Variants in SLC25A48 observed in about 807,000 individuals in gnomAD.
The protein encoded by SLC25A48 is CTC-321K16.1.
A neutral mutation model predicts 32.2 loss-of-function variants in SLC25A48; 29 were observed. The observed-to-expected ratio is 0.90, with a 90% confidence interval of 0.67 to 1.23. The LOEUF is 1.23. SLC25A48 is among the 50% of genes most tolerant of loss of function. SLC25A48 has a pLI of 0.00. For missense variants in SLC25A48, 399 were observed against 422.7 expected, an observed-to-expected ratio of 0.94 and a Z score of 0.49; for synonymous variants, 164 against 172.3, an observed-to-expected ratio of 0.95 and a Z score of 0.38.
At chr5:135,666,131 C>G (rs1753520160) in intron 3 of SLC25A48, among the ~76,000 whole-genome samples, 1 of 152,146 alleles carries the variant, frequency 6.6e-6, no homozygotes, top group Admixed American at 6.5e-5. Flanking sequence ...GTGGACCATC[C>G]AGGACACCAG....
intron 3 of SLC25A48, among the ~76,000 whole-genome samples, chr5:135,717,031 A>G (rs1006983127): frequency 6.6e-6 from 1 of 152,182 alleles, no homozygotes; most frequent in African/African-American, 2.4e-5. Context: ...GCAACCCCCA[A>G]GCATGATGTT....
chr5:135,758,361 A>T (rs1755974309), intron 3 of SLC25A48, among the ~76,000 whole-genome samples: 1 of 150,776 alleles, frequency 6.6e-6, no homozygotes, highest in Non-Finnish European at 1.5e-5. Context: ...TGATATCTAC[A>T]ATATCTCTAG....
chr5:135,818,155 C>A (rs559569203), intron 4 of SLC25A48, among the ~76,000 whole-genome samples: 2 of 147,694 alleles, frequency 1.4e-5, no homozygotes, highest in Admixed American at 6.9e-5. Context: ...CAGCTTTGCC[C>A]AGAAGGCACA....
chr5:135,766,980 G>T (rs1756250406), intron 3 of SLC25A48, among the ~76,000 whole-genome samples: 1 of 151,814 alleles, frequency 6.6e-6, no homozygotes, highest in Non-Finnish European at 1.5e-5. Context: ...GTATGATATG[G>T]TTCGTAATAT....
At chr5:135,838,223 G>A (rs935202245) in intron 1 of SLC25A48, among the ~76,000 whole-genome samples, 2 of 152,204 alleles carry the variant, frequency 1.3e-5, no homozygotes, top group African/African-American at 4.8e-5. Flanking sequence ...AGATGTTTTA[G>A]GGTATCTGGT....
chr5:135,788,166 G>T (rs893127052), intron 3 of SLC25A48, among the ~76,000 whole-genome samples: 1 of 151,506 alleles, frequency 6.6e-6, no homozygotes, highest in African/African-American at 2.4e-5. Context: ...TGTCCGGGGT[G>T]GGGGGAAGGG....
At chr5:135,836,969 CA>C (rs1305526757) in intron 1 of SLC25A48, among the ~76,000 whole-genome samples, 617 of 20,986 alleles carry the variant, frequency 0.029, 9 homozygotes, top group Non-Finnish European at 0.037. Context: ...TCCCCCCCCC[CA>C]CCCCCCCCCC....
intron 3 of SLC25A48, among the ~76,000 whole-genome samples, chr5:135,777,798 A>T (rs1363256234): frequency 1.5e-5 from 2 of 137,080 alleles, no homozygotes; most frequent in African/African-American, 2.7e-5. Flanking sequence ...GGGGGGGGGA[A>T]TGTTAATATT....
intron 3 of SLC25A48, among the ~76,000 whole-genome samples, chr5:135,695,661 G>A (rs951935001): frequency 6.6e-6 from 1 of 152,208 alleles, no homozygotes; most frequent in Non-Finnish European, 1.5e-5. Flanking sequence ...AGCTGTGCTG[G>A]CACTTTCCTC....
At chr5:135,839,788 G>T (rs1051550839) in intron 1 of SLC25A48, among the ~76,000 whole-genome samples, 2 of 152,138 alleles carry the variant, frequency 1.3e-5, no homozygotes, top group African/African-American at 4.8e-5. Context: ...TCATGGGGGC[G>T]AGTTTTCCTG....
At chr5:135,706,283 C>G (rs1431414408) in intron 3 of SLC25A48, among the ~76,000 whole-genome samples, 1 of 152,164 alleles carries the variant, frequency 6.6e-6, no homozygotes, top group Non-Finnish European at 1.5e-5. Flanking sequence ...GTGATTTACA[C>G]CTTCTCTGCC....
At chr5:135,770,369 A>T (rs1027400323) in intron 3 of SLC25A48, among the ~76,000 whole-genome samples, 6 of 150,808 alleles carry the variant, frequency 4.0e-5, no homozygotes, top group Non-Finnish European at 8.9e-5. Context: ...TCCCCCTGTG[A>T]TATTGTTCAT....
chr5:135,817,062 A>G (rs1243397459), intron 4 of SLC25A48, among the ~76,000 whole-genome samples: 1 of 152,264 alleles, frequency 6.6e-6, no homozygotes, highest in African/African-American at 2.4e-5. Context: ...CAAAGTTGGC[A>G]GACTATCCTA....
intron 3 of SLC25A48, among the ~76,000 whole-genome samples, chr5:135,780,513 T>C (rs1756695321): frequency 8.5e-6 from 1 of 117,908 alleles, no homozygotes; most frequent in African/African-American, 2.6e-5. Context: ...ACTCCCAATA[T>C]TCCAAGGGGT....
intron 3 of SLC25A48, among the ~76,000 whole-genome samples, chr5:135,690,053 C>T (rs1001832528): frequency 6.6e-6 from 1 of 152,146 alleles, no homozygotes; most frequent in Non-Finnish European, 1.5e-5. Context: ...GACCCACTGC[C>T]TCGGTTTGCT....
chr5:135,745,336 A>G (rs545147250), intron 3 of SLC25A48, among the ~76,000 whole-genome samples: 10 of 152,266 alleles, frequency 6.6e-5, no homozygotes, highest in Non-Finnish European at 1.3e-4. Context: ...GTTTAGGAAC[A>G]CCTTGAGCGG....
At chr5:135,725,044 T>C (rs550476400) in intron 3 of SLC25A48, among the ~76,000 whole-genome samples, 14 of 152,360 alleles carry the variant, frequency 9.2e-5, no homozygotes, top group African/African-American at 3.4e-4. Context: ...CTTTTGAGTC[T>C]TCCACAAGTA....
intron 3 of SLC25A48, among the ~76,000 whole-genome samples, chr5:135,666,714 C>G (rs971629351): frequency 6.6e-6 from 1 of 151,684 alleles, no homozygotes; most frequent in African/African-American, 2.4e-5. Context: ...GGAAGGAAAC[C>G]TTGTATTTTA....
intron 4 of SLC25A48, among the ~76,000 whole-genome samples, chr5:135,817,209 A>G (rs1319035532): frequency 6.6e-6 from 1 of 152,136 alleles, no homozygotes; most frequent in Non-Finnish European, 1.5e-5. Context: ...TGATATTGGC[A>G]TCTAGTAGGT....
Sources: gnomAD v4.1 joint callset for allele counts (sites outside exome capture counted in the v4.1 genomes callset) on GRCh38, gnomAD v4.1.1 for gene constraint, MANE v1.5 for transcripts, NCBI Gene and HGNC (gene_info 2026-07-23, HGNC 2026-07-21) for gene names.